The following CEP128 variants were observed in gnomAD, a reference collection of about 807,000 sequenced individuals.
CEP128 encodes the protein centrosomal protein 128.
CEP128 carries 132 observed loss-of-function variants against 156.7 expected under a neutral mutation model. That is an observed-to-expected ratio of 0.84 (90% CI 0.73 to 0.97). CEP128 has a LOEUF of 0.97. Ranked by LOEUF, CEP128 falls within the 50% of genes least tolerant of loss-of-function variation. The pLI, the probability that CEP128 is intolerant of heterozygous loss-of-function variation, is 0.00. For synonymous variants in CEP128, 469 were observed against 448.9 expected (o/e 1.04, Z -0.57); for missense variants, 1,252 against 1,281.9 (o/e 0.98, Z 0.36).
At chr14:80,589,694 T>C (rs557682258) in intron 19 of CEP128, among the ~76,000 whole-genome samples, 18 of 152,280 alleles carry the variant, frequency 1.2e-4, no homozygotes, top group Non-Finnish European at 2.4e-4. Flanking sequence ...CTATAAAGTT[T>C]AGTCATCCCT....
intron 21 of CEP128, among the ~76,000 whole-genome samples, chr14:80,554,484 A>T (rs1379120638): frequency 1.3e-5 from 2 of 152,280 alleles, no homozygotes; most frequent in South Asian, 4.1e-4. Context: ...GTATAAAATT[A>T]TTTGGGCTTG....
intron 14 of CEP128, among the ~76,000 whole-genome samples, chr14:80,791,584 T>C (rs1037554761): frequency 1.3e-5 from 2 of 152,158 alleles, no homozygotes; most frequent in African/African-American, 4.8e-5. Context: ...TTGAGCCAGT[T>C]GCCAGATCAG....
At chr14:80,799,731 G>A (rs2139878816) in intron 13 of CEP128, among the ~76,000 whole-genome samples, 1 of 152,244 alleles carries the variant, frequency 6.6e-6, no homozygotes, top group Non-Finnish European at 1.5e-5. Flanking sequence ...CTGGTCTCCT[G>A]CAGTACCCTC....
At chr14:80,935,916 A>C (rs1885781184) in intron 2 of CEP128, among the ~76,000 whole-genome samples, 1 of 152,208 alleles carries the variant, frequency 6.6e-6, no homozygotes, top group Non-Finnish European at 1.5e-5. Context: ...ACAGGTAAGG[A>C]AACAACTTCC....
At chr14:80,927,132 A>G (rs967002266) in intron 2 of CEP128, among the ~76,000 whole-genome samples, 1 of 152,208 alleles carries the variant, frequency 6.6e-6, no homozygotes, top group African/African-American at 2.4e-5. Flanking sequence ...TCTGGCCGTC[A>G]GAAACTGCTA....
chr14:80,497,699 T>C lies in CEP128; in HGVS notation c.3182-117A>G. On this transcript the variant is annotated intron_variant, in intron 24 of 24. Transcript: ENST00000555265. ...TGGTATTTGATCGAGTTTTCTATAA[T>C]TAAACTTCACATGGACTAACAGACC... The C allele has an allele frequency of 4.5e-6, 3 of 673,196 alleles. No individual in the cohort carries two copies. The South Asian group carries it at 5.2e-5, about 12-fold the overall frequency. The allele number at this position is 673,196 out of a possible 1,614,324, so 41.7% of individuals were successfully genotyped here.
intron 23 of CEP128, among the ~76,000 whole-genome samples, chr14:80,514,008 G>T (rs546485173): frequency 6.6e-6 from 1 of 152,258 alleles, no homozygotes; most frequent in East Asian, 1.9e-4. Context: ...GTCTCTAAGG[G>T]CAGCCACTAT....
chr14:80,727,409 A>C (rs1328655346), intron 19 of CEP128, among the ~76,000 whole-genome samples: 1 of 152,154 alleles, frequency 6.6e-6, no homozygotes, highest in Non-Finnish European at 1.5e-5. Flanking sequence ...GGAGAGGCCA[A>C]ATCTTAATGC....
intron 21 of CEP128, among the ~76,000 whole-genome samples, chr14:80,546,503 A>C (rs1419251268): frequency 1.3e-5 from 2 of 152,244 alleles, no homozygotes; most frequent in Non-Finnish European, 2.9e-5. Flanking sequence ...ATTTCACAGA[A>C]AAATGAGGTT....
intron 19 of CEP128, among the ~76,000 whole-genome samples, chr14:80,592,305 A>C (rs1233658746): frequency 1.3e-5 from 2 of 152,242 alleles, no homozygotes; most frequent in African/African-American, 4.8e-5. Flanking sequence ...ACACAATAAA[A>C]AATGGTGAAG....
intron 9 of CEP128, among the ~76,000 whole-genome samples, chr14:80,859,403 G>T (rs1192701314): frequency 6.1e-5 from 6 of 97,704 alleles, no homozygotes; most frequent in African/African-American, 2.3e-4. Context: ...GTTGTGGGGT[G>T]GGGGGAGGGG....
chr14:80,880,865 AAAT>A (rs375304920), intron 8 of CEP128, among the ~76,000 whole-genome samples: 4,969 of 124,878 alleles, frequency 0.04, 136 homozygotes, highest in African/African-American at 0.067. Flanking sequence ...TCCATCTCAA[AAAT>A]AATAATAATA....
chr14:80,720,739 T>C (rs907453658), intron 19 of CEP128, among the ~76,000 whole-genome samples: 13 of 152,192 alleles, frequency 8.5e-5, no homozygotes. Flanking sequence ...CTAGACAACT[T>C]GGTCTAGGTA....
intron 8 of CEP128, among the ~76,000 whole-genome samples, chr14:80,884,019 C>G (rs1255274095): frequency 6.6e-6 from 1 of 152,162 alleles, no homozygotes; most frequent in Admixed American, 6.5e-5. Context: ...ACTGGATATT[C>G]ATATGCAGAA....
chr14:80,778,381 A>G (rs1900916876), intron 15 of CEP128, among the ~76,000 whole-genome samples: 1 of 152,186 alleles, frequency 6.6e-6, no homozygotes, highest in South Asian at 2.1e-4. Flanking sequence ...TGGAAATCCA[A>G]AGAAGAGACA....
At chr14:80,927,419 TG>T (rs1259307160) in intron 2 of CEP128, among the ~76,000 whole-genome samples, 1 of 152,114 alleles carries the variant, frequency 6.6e-6, no homozygotes, top group Non-Finnish European at 1.5e-5. Context: ...CACAGGAGCA[TG>T]GCATGGGTGC....
chr14:80,909,412 C>A (rs1430671068), intron 4 of CEP128, among the ~76,000 whole-genome samples: 1 of 150,816 alleles, frequency 6.6e-6, no homozygotes, highest in African/African-American at 2.4e-5. Flanking sequence ...CACGCAAACT[C>A]CCTGCCACCA....
chr14:80,571,853 A>AAGT (rs1218546362), intron 20 of CEP128, among the ~76,000 whole-genome samples: 4 of 152,210 alleles, frequency 2.6e-5, no homozygotes, highest in Non-Finnish European at 5.9e-5. Context: ...TCTTAAGTAT[A>AAGT]GTAGTATAGA....
intron 13 of CEP128, among the ~76,000 whole-genome samples, chr14:80,818,274 C>T (rs893207720): frequency 6.6e-6 from 1 of 152,208 alleles, no homozygotes; most frequent in African/African-American, 2.4e-5. Flanking sequence ...CCACCTCCAC[C>T]TCCCAAAGTG....
Sources: allele counts gnomAD v4.1 joint callset (sites outside exome capture counted in the v4.1 genomes callset), GRCh38; gene constraint gnomAD v4.1.1; transcripts MANE v1.5; gene names NCBI Gene and HGNC (gene_info 2026-07-23, HGNC 2026-07-21).